PDE10A: variants seen among roughly 807,000 people sequenced by gnomAD.
PDE10A encodes the protein phosphodiesterase 10A.
PDE10A carries 39 observed loss-of-function variants against 97.7 expected under a neutral mutation model. The ratio of observed to expected loss-of-function variants is 0.40; its 90% CI spans 0.31 to 0.52. The LOEUF (loss-of-function observed/expected upper bound fraction) is 0.52. PDE10A is among the 20% of genes least tolerant of loss of function. PDE10A has a pLI of 0.56. For synonymous variants in PDE10A, 371 were observed against 376.8 expected, an observed-to-expected ratio of 0.98 and a Z score of 0.18; for missense variants, 731 against 1,047.8, an observed-to-expected ratio of 0.70 and a Z score of 4.17.
At chr6:165,474,506 T>C (rs1779184441) in intron 3 of PDE10A, among the ~76,000 whole-genome samples, 1 of 152,170 alleles carries the variant, frequency 6.6e-6, no homozygotes, top group South Asian at 2.1e-4. Flanking sequence ...GTAAAAACAT[T>C]TTGAAGGAAA....
intron 1 of PDE10A, among the ~76,000 whole-genome samples, chr6:165,765,096 G>A (rs1777793925): frequency 2.0e-5 from 3 of 152,184 alleles, no homozygotes; most frequent in Non-Finnish European, 4.4e-5. Context: ...CTAGACACAG[G>A]GTGCTGATTG....
chr6:165,350,634 GC>G (rs1180937254), intron 18 of PDE10A, among the ~76,000 whole-genome samples: 4 of 152,112 alleles, frequency 2.6e-5, no homozygotes, highest in Non-Finnish European at 4.4e-5. Context: ...ATATGGTTTG[GC>G]TGTGTCCCCA....
At chr6:165,615,964 G>A (rs990215983) in intron 1 of PDE10A, among the ~76,000 whole-genome samples, 6 of 152,122 alleles carry the variant, frequency 3.9e-5, no homozygotes, top group South Asian at 2.1e-4. Context: ...ATTGATTCAC[G>A]TTCAATATTT....
intron 3 of PDE10A, among the ~76,000 whole-genome samples, chr6:165,462,917 C>T (rs1778411855): frequency 6.6e-6 from 1 of 152,150 alleles, no homozygotes; most frequent in Non-Finnish European, 1.5e-5. Flanking sequence ...CAGTATTTAC[C>T]ATAATAAATC....
At chr6:165,763,446 C>CG (rs1562724136) in intron 1 of PDE10A, among the ~76,000 whole-genome samples, 2 of 152,142 alleles carry the variant, frequency 1.3e-5, no homozygotes, top group East Asian at 3.9e-4. Context: ...CCTCAGCCCC[C>CG]CCAGTAGCCG....
intron 6 of PDE10A, among the ~76,000 whole-genome samples, chr6:165,434,637 G>GT (rs1240272669): frequency 1.3e-5 from 2 of 152,164 alleles, no homozygotes; most frequent in African/African-American, 2.4e-5. Flanking sequence ...AAACTCACTT[G>GT]TATGTTTCCC....
chr6:165,891,853 A>G (rs189563897), intron 1 of PDE10A, among the ~76,000 whole-genome samples: 1 of 151,850 alleles, frequency 6.6e-6, no homozygotes, highest in Non-Finnish European at 1.5e-5. Context: ...AAAAGCCATG[A>G]CCCTTATTCC....
intron 1 of PDE10A, among the ~76,000 whole-genome samples, chr6:165,732,086 T>C (rs1249921233): frequency 1.3e-5 from 2 of 152,348 alleles, no homozygotes; most frequent in African/African-American, 4.8e-5. Context: ...TACTGTTTTC[T>C]CTTTTGCCAT....
intron 1 of PDE10A, among the ~76,000 whole-genome samples, chr6:165,794,145 TCA>T (rs1180696977): frequency 2.7e-5 from 4 of 149,604 alleles, no homozygotes; most frequent in South Asian, 2.1e-4. Flanking sequence ...TCACACTCAC[TCA>T]CACACACTCA....
At position 165,433,075 on chromosome 6, in the gene PDE10A, C is replaced by A; in HGVS notation, c.1390G>T (p.Val464Phe). ...GLESGTRIQS[V>F]LCLPIVTAIG... ...GCAGTGACAATTGGTAAGCAAAGAA[C>A]AGACTGGATACGAGTCCCTGATTCC... The change falls in exon 7 of 22, where the codon GTT (valine) becomes TTT (phenylalanine). Residue 464 changes from valine (V) to phenylalanine (F), a missense_variant. This residue lies in a region of PDE10A where 152 missense variants were observed against 199.3 expected (regional missense o/e 0.76). Transcript: ENST00000539869. 6.2e-7 allele frequency: 1 copy of A among 1,613,278 alleles called. No individual in the cohort carries two copies. Among genetic ancestry groups the A allele is most frequent in the Non-Finnish European group, 8.5e-7 (1 of 1,179,310 alleles).
chr6:165,891,243 C>A (rs1225908125), intron 1 of PDE10A, among the ~76,000 whole-genome samples: 1 of 152,182 alleles, frequency 6.6e-6, no homozygotes, highest in Non-Finnish European at 1.5e-5. Context: ...TCTGTATTTG[C>A]ATCTCATTTG....
chr6:165,636,681 T>G (rs534778004), intron 1 of PDE10A, among the ~76,000 whole-genome samples: 1 of 152,318 alleles, frequency 6.6e-6, no homozygotes, highest in East Asian at 1.9e-4. Context: ...AGCTATTATT[T>G]TGCAAAAACT....
chr6:165,336,063 C>G (rs1274152571), intron 21 of PDE10A, 60 bp downstream of exon 21: 2 of 1,269,742 alleles, frequency 1.6e-6, no homozygotes, highest in African/African-American at 2.9e-5. Flanking sequence ...TACAAAAATC[C>G]TATACAGATC....
intron 1 of PDE10A, among the ~76,000 whole-genome samples, chr6:165,762,498 A>G (rs1255719526): frequency 1.3e-5 from 2 of 152,114 alleles, no homozygotes; most frequent in East Asian, 1.9e-4. Context: ...TAAAAAAAAA[A>G]AAAGCCAGAT....
At chr6:165,618,984 G>GTAGTGTAGTGTAGTGTAGTATAGTC (rs1787860332) in intron 1 of PDE10A, among the ~76,000 whole-genome samples, 1 of 79,476 alleles carries the variant, frequency 1.3e-5, no homozygotes, top group African/African-American at 9.5e-5. Context: ...GTAGTCTAGT[G>GTAGTGTAGTGTAGTGTAGTATAGTC]TAGTGTAGTC....
At chr6:165,598,733 A>G (rs991801217) in intron 1 of PDE10A, among the ~76,000 whole-genome samples, 2 of 152,220 alleles carry the variant, frequency 1.3e-5, no homozygotes, top group Non-Finnish European at 2.9e-5. Flanking sequence ...GTAGAATCAC[A>G]AACTAATTTT....
At chr6:165,811,411 G>C (rs1779280115) in intron 1 of PDE10A, among the ~76,000 whole-genome samples, 1 of 152,166 alleles carries the variant, frequency 6.6e-6, no homozygotes, top group Non-Finnish European at 1.5e-5. Context: ...TATGGGTTCT[G>C]TCCCTAGGCC....
chr6:165,676,453 C>A (rs760916468), intron 1 of PDE10A, among the ~76,000 whole-genome samples: 2 of 152,274 alleles, frequency 1.3e-5, no homozygotes, highest in African/African-American at 4.8e-5. Context: ...GGACAGGTGC[C>A]GCAGAGGAAG....
chr6:165,966,328 G>A (rs1056690870), intron 1 of PDE10A, among the ~76,000 whole-genome samples: 2 of 152,220 alleles, frequency 1.3e-5, no homozygotes, highest in South Asian at 2.1e-4. Flanking sequence ...ATTCGGAGGT[G>A]AGGCTTTTCC....
Sources: gnomAD v4.1 joint callset for allele counts (sites outside exome capture counted in the v4.1 genomes callset) on GRCh38, gnomAD v4.1.1 for gene constraint, gnomAD v4.1.1 regional missense constraint, MANE v1.5 for transcripts, NCBI Gene and HGNC (gene_info 2026-07-23, HGNC 2026-07-21) for gene names.